The following DACH2 variants were observed in gnomAD, a reference collection of about 807,000 sequenced individuals.
DACH2 encodes the protein dachshund homolog 2.
In DACH2, 17 loss-of-function variants were observed where a neutral mutation model predicts 35.8. The observed-to-expected ratio is 0.48, with a 90% CI of 0.33 to 0.71. The LOEUF is 0.71. DACH2 is among the 30% of genes least tolerant of loss of function. The probability of loss-of-function intolerance (pLI) is 0.02; values close to 1 mark genes in which losing one functional copy is unlikely to be tolerated. For missense variants in DACH2, 469 were observed against 472.7 expected, an observed-to-expected ratio of 0.99 and a Z score of 0.07; for synonymous variants, 195 against 177.3, an observed-to-expected ratio of 1.10 and a Z score of -0.79.
chrX:86,418,938 T>G (rs2036754528), intron 2 of DACH2, among the ~76,000 whole-genome samples: 1 of 111,865 alleles, frequency 8.9e-6, no homozygotes, highest in Non-Finnish European at 1.9e-5. Flanking sequence ...CCAGATACCC[T>G]CAAGTTCAAA....
chrX:86,228,296 G>T (rs1176230057), intron 1 of DACH2, among the ~76,000 whole-genome samples: 3 of 110,547 alleles, frequency 2.7e-5, no homozygotes, highest in Non-Finnish European at 5.7e-5. Context: ...TGCTGTATAT[G>T]TACATACATA....
intron 5 of DACH2, among the ~76,000 whole-genome samples, chrX:86,713,615 A>G (rs2041302322): frequency 9.0e-6 from 1 of 111,633 alleles, no homozygotes; most frequent in Admixed American, 9.6e-5. Context: ...AGGCAAGATT[A>G]CTGTAGAGGT....
At chrX:86,802,283 T>C (rs1036716982) in intron 7 of DACH2, among the ~76,000 whole-genome samples, 1 of 110,782 alleles carries the variant, frequency 9.0e-6, no homozygotes, top group Non-Finnish European at 1.9e-5. Flanking sequence ...GCAAGGAATG[T>C]GTATTTAAAA....
intron 1 of DACH2, among the ~76,000 whole-genome samples, chrX:86,175,684 C>T (rs1447675421): frequency 9.0e-6 from 1 of 111,153 alleles, no homozygotes; most frequent in African/African-American, 3.3e-5. Context: ...ATCCGATGTA[C>T]AAGTAGAAGT....
chrX:86,782,734 T>G (rs771648116), intron 7 of DACH2, among the ~76,000 whole-genome samples: 2 of 111,629 alleles, frequency 1.8e-5, no homozygotes, highest in South Asian at 7.4e-4. Context: ...GACCAATGTC[T>G]CTCACCATAC....
rs778186383 is a variant in DACH2 at position 86,695,193 on chromosome X, C to T, written c.931+14C>T. On this transcript the variant is annotated intron_variant, in intron 5 of 11. Transcript: ENST00000373125. ...TGCTAACCAATAGTATGTATACTGT[C>T]CTCACAAAACTGGGTGTGTTGAACA... The T allele has an allele frequency of 2.5e-5, 25 of 988,430 alleles. No individual in the cohort carries two copies. Among genetic ancestry groups the T allele is most frequent in the Non-Finnish European group, 3.1e-5 (24 of 774,640 alleles). 81.5% of individuals were successfully genotyped at this position (988,430 alleles called of 1,213,427 possible).
intron 1 of DACH2, among the ~76,000 whole-genome samples, chrX:86,242,686 C>T (rs2033191696): frequency 9.0e-6 from 1 of 111,095 alleles, no homozygotes; most frequent in Admixed American, 9.5e-5. Context: ...GGCTCTGTGT[C>T]CCCTCCCAAA....
chrX:86,473,589 T>C (rs2037793996), intron 2 of DACH2, among the ~76,000 whole-genome samples: 1 of 111,416 alleles, frequency 9.0e-6, no homozygotes. Flanking sequence ...TTTTTTTTTA[T>C]TTTTAGATCC....
At chrX:86,786,007 G>T (rs1213297055) in intron 7 of DACH2, among the ~76,000 whole-genome samples, 1 of 111,032 alleles carries the variant, frequency 9.0e-6, no homozygotes, top group Non-Finnish European at 1.9e-5. Flanking sequence ...GGAATATACA[G>T]GAATCTATAA....
chrX:86,479,871 C>T (rs867977936), intron 2 of DACH2, among the ~76,000 whole-genome samples: 2 of 112,220 alleles, frequency 1.8e-5, no homozygotes, highest in South Asian at 3.6e-4. Flanking sequence ...ATTGTGAATT[C>T]CTTCTCTGCG....
chrX:86,456,362 T>G (rs2037475054), intron 2 of DACH2, among the ~76,000 whole-genome samples: 1 of 112,130 alleles, frequency 8.9e-6, no homozygotes, highest in Admixed American at 9.5e-5. Context: ...TTATAATTTT[T>G]AATTATTCTT....
At chrX:86,735,477 C>T (rs1165873176) in intron 6 of DACH2, among the ~76,000 whole-genome samples, 1 of 111,608 alleles carries the variant, frequency 9.0e-6, no homozygotes, top group African/African-American at 3.2e-5. Flanking sequence ...TGATATATCT[C>T]TAAAGAAAAG....
At chrX:86,419,241 T>G (rs1162099586) in intron 2 of DACH2, among the ~76,000 whole-genome samples, 1 of 112,109 alleles carries the variant, frequency 8.9e-6, no homozygotes, top group Non-Finnish European at 1.9e-5. Flanking sequence ...TGGGCATTTT[T>G]TCAGCAACGC....
intron 1 of DACH2, among the ~76,000 whole-genome samples, chrX:86,358,855 A>G (rs1007520214): frequency 3.6e-5 from 4 of 111,942 alleles, no homozygotes; most frequent in African/African-American, 1.3e-4. Context: ...TATATCTGAC[A>G]TATGCTAGTA....
chrX:86,576,533 T>G (rs1473869733), intron 3 of DACH2, among the ~76,000 whole-genome samples: 1 of 111,561 alleles, frequency 9.0e-6, no homozygotes, highest in African/African-American at 3.3e-5. Flanking sequence ...AGTCTAGCCA[T>G]TCTGTTTCAT....
intron 2 of DACH2, among the ~76,000 whole-genome samples, chrX:86,407,065 G>T (rs2036538272): frequency 9.0e-6 from 1 of 111,574 alleles, no homozygotes; most frequent in Non-Finnish European, 1.9e-5. Context: ...ACAGAGACTT[G>T]AACTAACATG....
At chrX:86,355,605 C>G (rs1246913991) in intron 1 of DACH2, among the ~76,000 whole-genome samples, 1 of 111,657 alleles carries the variant, frequency 9.0e-6, no homozygotes, top group African/African-American at 3.3e-5. Flanking sequence ...TTTCAGCTCA[C>G]TGCTGCCTCC....
At chrX:86,160,498 T>C in intron 1 of DACH2, 1 of 533,177 alleles carries the variant, frequency 1.9e-6, no homozygotes. Context: ...TTTCCTTCAG[T>C]ACAGCAAACT....
chrX:86,407,595 G>A (rs941800057), intron 2 of DACH2, among the ~76,000 whole-genome samples: 10 of 112,094 alleles, frequency 8.9e-5, no homozygotes, highest in African/African-American at 3.2e-4. Flanking sequence ...CTAAAGAATG[G>A]GGAAGAGCTT....
Sources: gnomAD v4.1 joint callset for allele counts (sites outside exome capture counted in the v4.1 genomes callset) on GRCh38, gnomAD v4.1.1 for gene constraint, MANE v1.5 for transcripts, NCBI Gene and HGNC (gene_info 2026-07-23, HGNC 2026-07-21) for gene names.